Variants in WDR27 observed in about 807,000 individuals in gnomAD.
The protein encoded by WDR27 is WD repeat-containing protein 27.
A neutral mutation model predicts 114.4 loss-of-function variants in WDR27; 100 were observed. That is an observed-to-expected ratio of 0.87 (90% CI 0.74 to 1.03). The LOEUF (loss-of-function observed/expected upper bound fraction) is 1.03. WDR27 is among the 50% of genes least tolerant of loss of function. WDR27 has a pLI of 0.00. For missense variants in WDR27, 1,129 were observed against 1,092.9 expected, an observed-to-expected ratio of 1.03 and a Z score of -0.47; for synonymous variants, 449 against 423.1, an observed-to-expected ratio of 1.06 and a Z score of -0.75.
intron 1 of WDR27, among the ~76,000 whole-genome samples, chr6:169,699,831 A>T (rs1035348368): frequency 2.6e-5 from 4 of 152,032 alleles, no homozygotes; most frequent in African/African-American, 7.3e-5. Context: ...TAAAAAAAAA[A>T]AGTAGTCAGG....
At position 169,602,281 on chromosome 6, in the gene WDR27, G is replaced by C. The variant is rs759494022; in HGVS notation, c.2362C>G (p.Pro788Ala). ...HFEGHPTRGYPCGIAFSPCGR... is the reference protein window; with the variant it reads ...HFEGHPTRGYACGIAFSPCGR... ...CAAGGACTGAAAGCGATTCCACATG[G>C]ATAGCCGCGGGTTGGATGCCCTTCA... The change falls in exon 23 of 26, where the codon CCA becomes GCA. Residue 788 changes from proline to alanine, a missense_variant. Coordinates refer to ENST00000448612, the MANE Select transcript of WDR27 (RefSeq NM_182552.5). The C allele has an allele frequency of 1.3e-6, 2 of 1,566,478 alleles. No homozygotes were observed. Among genetic ancestry groups the C allele is most frequent in the South Asian group, 2.4e-5 (2 of 84,766 alleles).
chr6:169,631,577 G>A (rs143758995), intron 21 of WDR27, among the ~76,000 whole-genome samples: 79 of 152,210 alleles, frequency 5.2e-4, no homozygotes, highest in African/African-American at 1.7e-3. Flanking sequence ...CCTGGACTCC[G>A]AAGCTCTGAC....
At chr6:169,447,390 T>C in the WDR27 span, among the ~76,000 whole-genome samples, 4 of 152,210 alleles carry the variant, frequency 2.6e-5, no homozygotes. Flanking sequence ...TAAAACTTCC[T>C]GGGGTCATCA....
chr6:169,528,917 T>C (rs1309730468), intron 25 of WDR27, among the ~76,000 whole-genome samples: 1 of 152,144 alleles, frequency 6.6e-6, no homozygotes, highest in Non-Finnish European at 1.5e-5. Flanking sequence ...TTGGAGAAAA[T>C]TTGGCAATAT....
intron 25 of WDR27, among the ~76,000 whole-genome samples, chr6:169,568,925 G>A (rs1800921176): frequency 6.6e-6 from 1 of 152,140 alleles, no homozygotes; most frequent in South Asian, 2.1e-4. Flanking sequence ...AGTATCAATC[G>A]TAGGGCTGTG....
At chr6:169,492,620 A>G (rs944581133) in intron 25 of WDR27, among the ~76,000 whole-genome samples, 5 of 152,114 alleles carry the variant, frequency 3.3e-5, no homozygotes, top group African/African-American at 1.2e-4. Context: ...TCAGATATAC[A>G]ACAACTAAGA....
chr6:169,625,469 G>C (rs1432342860), intron 21 of WDR27, among the ~76,000 whole-genome samples: 2 of 152,230 alleles, frequency 1.3e-5, no homozygotes, highest in East Asian at 1.9e-4. Flanking sequence ...GGAAGGGTCT[G>C]CCCGTGACCC....
intron 25 of WDR27, chr6:169,558,508 CCCGG>C: frequency 6.6e-6 from 1 of 152,056 alleles, no homozygotes; most frequent in South Asian, 2.1e-4. Context: ...TGAATGGAGA[CCCGG>C]AGCACAGGCA....
the WDR27 span, among the ~76,000 whole-genome samples, chr6:169,430,211 C>T: frequency 6.6e-6 from 1 of 152,232 alleles, no homozygotes. Context: ...GGTTCAGACA[C>T]AGAGCCTGTT....
At chr6:169,536,022 A>G (rs1437393457) in intron 25 of WDR27, among the ~76,000 whole-genome samples, 2 of 152,204 alleles carry the variant, frequency 1.3e-5, no homozygotes, top group East Asian at 1.9e-4. Flanking sequence ...AGATCACTTT[A>G]CAGAAGCAAA....
chr6:169,658,617 T>C (rs1027754627), intron 12 of WDR27, among the ~76,000 whole-genome samples: 2 of 152,136 alleles, frequency 1.3e-5, no homozygotes, highest in African/African-American at 4.8e-5. Flanking sequence ...ACTATTTCGT[T>C]TTCAACAAGA....
In WDR27 at chr6:169,638,640, C is replaced by T. The variant is rs774885535; in HGVS notation, c.1768G>A (p.Ala590Thr). The T allele has an allele frequency of 1.9e-6, 3 of 1,605,162 alleles. No individual in the cohort carries two copies. Among genetic ancestry groups the T allele is most frequent in the Non-Finnish European group, 1.7e-6 (2 of 1,175,960 alleles). ...VFSGHDGAVN[A>T]VCWSQDRRWL... Reference sequence around the variant, plus strand: ...CTCCGGTCCTGGCTCCAGCACACGGCATTCACTGCCCCGTCGTGACCTAAC... The same window carrying T: ...CTCCGGTCCTGGCTCCAGCACACGGTATTCACTGCCCCGTCGTGACCTAAC... The change falls in exon 18 of 26, where the codon GCC becomes ACC. Residue 590 changes from alanine (A) to threonine (T), a missense_variant. By Grantham distance (58) the Ala-to-Thr change is moderately conservative (BLOSUM62 0). Coordinates refer to ENST00000448612, the MANE Select transcript of WDR27 (RefSeq NM_182552.5).
At chr6:169,568,967 C>A (rs1382198811) in intron 25 of WDR27, among the ~76,000 whole-genome samples, 1 of 152,150 alleles carries the variant, frequency 6.6e-6, no homozygotes, top group Non-Finnish European at 1.5e-5. Flanking sequence ...AAGCCGCATG[C>A]CCCTGGTTTG....
At chr6:169,440,354 C>T in the WDR27 span, among the ~76,000 whole-genome samples, 6 of 152,112 alleles carry the variant, frequency 3.9e-5, no homozygotes, top group African/African-American at 1.2e-4. Context: ...TATTTCCTAA[C>T]GCCCTATAAA....
intron 22 of WDR27, among the ~76,000 whole-genome samples, chr6:169,610,875 T>C: frequency 6.6e-6 from 1 of 152,102 alleles, no homozygotes; most frequent in East Asian, 1.9e-4. Flanking sequence ...GTGGTATGAT[T>C]GAATTTGGAG....
intron 25 of WDR27, among the ~76,000 whole-genome samples, chr6:169,538,609 T>G (rs1391590209): frequency 6.6e-6 from 1 of 151,912 alleles, no homozygotes; most frequent in Admixed American, 6.6e-5. Flanking sequence ...AAAACTCATC[T>G]CCCTCTAGGA....
chr6:169,471,838 C>T (rs1786440584), intron 25 of WDR27, among the ~76,000 whole-genome samples: 1 of 152,134 alleles, frequency 6.6e-6, no homozygotes, highest in Non-Finnish European at 1.5e-5. Flanking sequence ...GTTGGGAAGT[C>T]CAAGATCATG....
At chr6:169,613,803 C>A in intron 21 of WDR27, 147 bp from the exon 22 acceptor site, 1 of 671,052 alleles carries the variant, frequency 1.5e-6, no homozygotes, top group Non-Finnish European at 2.4e-6. Flanking sequence ...GAATTGGACT[C>A]CAAAAACTTC....
At chr6:169,657,472 T>C (rs1824556352) in intron 13 of WDR27, among the ~76,000 whole-genome samples, 1 of 152,136 alleles carries the variant, frequency 6.6e-6, no homozygotes, top group Non-Finnish European at 1.5e-5. Context: ...GCCGGGGAGA[T>C]GGCCCTTCTG....
Sources: allele counts gnomAD v4.1 joint callset (sites outside exome capture counted in the v4.1 genomes callset), GRCh38; gene constraint gnomAD v4.1.1; transcripts MANE v1.5; gene names NCBI Gene and HGNC (gene_info 2026-07-23, HGNC 2026-07-21).